Variants in CDH18 observed in about 807,000 individuals in gnomAD.
CDH18 encodes the protein cadherin 18.
A neutral mutation model predicts 67.9 loss-of-function variants in CDH18; 31 were observed. The ratio of observed to expected loss-of-function variants is 0.46; its 90% CI spans 0.34 to 0.62. The LOEUF (loss-of-function observed/expected upper bound fraction) is 0.62, where lower values mean the gene tolerates loss of function less well. Ranked by LOEUF, CDH18 falls within the 20% of genes least tolerant of loss-of-function variation. The pLI, the probability that CDH18 is intolerant of heterozygous loss-of-function variation, is 0.01. For missense variants in CDH18, 890 were observed against 975.5 expected (o/e 0.91, Z 1.17); for synonymous variants, 362 against 347.2 (o/e 1.04, Z -0.48).
In CDH18 at chr5:19,883,296, T is replaced by G. The variant is rs138626593; in HGVS notation, c.-256-44054A>C. ...ATAAACAGTTCTTTGAAACGAAGAT[T>G]GAGTTCAAATTGTGTTACACTCTGT... On this transcript the variant is annotated intron_variant, in intron 2 of 12. Transcript: ENST00000382275. Among the ~76,000 whole-genome samples, 204 of 152,314 alleles carry G rather than the reference T, an allele frequency of 1.3e-3. 1 individual carries two copies. The highest frequency in any genetic ancestry group is 4.8e-3 in the African/African-American group (198 of 41,588).
chr5:19,862,229 T>C (rs1463249140), intron 2 of CDH18, among the ~76,000 whole-genome samples: 1 of 152,176 alleles, frequency 6.6e-6, no homozygotes, highest in Non-Finnish European at 1.5e-5. Context: ...CAAAATAATC[T>C]AATTAATGAT....
intron 2 of CDH18, among the ~76,000 whole-genome samples, chr5:19,880,609 T>A (rs1787533715): frequency 6.6e-6 from 1 of 152,092 alleles, no homozygotes; most frequent in East Asian, 1.9e-4. Context: ...TGTCAAGAGA[T>A]CAATTTGGTG....
At chr5:20,189,669 T>C (rs1448234983) in intron 2 of CDH18, among the ~76,000 whole-genome samples, 1 of 152,108 alleles carries the variant, frequency 6.6e-6, no homozygotes. Flanking sequence ...CCAAGGAAGA[T>C]TACGCACACG....
At chr5:19,665,626 T>C (rs997922858) in intron 5 of CDH18, among the ~76,000 whole-genome samples, 16 of 151,980 alleles carry the variant, frequency 1.1e-4, no homozygotes, top group South Asian at 2.1e-4. Context: ...TTATTAAATA[T>C]GTATGTAAGT....
At chr5:19,514,624 GT>G in intron 10 of CDH18, among the ~76,000 whole-genome samples, 1 of 152,206 alleles carries the variant, frequency 6.6e-6, no homozygotes, top group East Asian at 1.9e-4. Flanking sequence ...TCATGCGTCT[GT>G]TGGCTGCATA....
chr5:20,010,159 GGTGTGTGT>G (rs35461877), intron 2 of CDH18, among the ~76,000 whole-genome samples: 13 of 146,294 alleles, frequency 8.9e-5, no homozygotes, highest in Non-Finnish European at 1.2e-4. Flanking sequence ...AGTGGAAAGT[GGTGTGTGT>G]GTGTGTGTGT....
chr5:19,544,227 T>A (rs577725233), intron 8 of CDH18, among the ~76,000 whole-genome samples: 1 of 152,290 alleles, frequency 6.6e-6, no homozygotes, highest in East Asian at 1.9e-4. Flanking sequence ...AATAATTTTA[T>A]AAGGTCTTAC....
chr5:20,499,644 T>G (rs930653489), intron 1 of CDH18, among the ~76,000 whole-genome samples: 2 of 152,160 alleles, frequency 1.3e-5, no homozygotes, highest in Non-Finnish European at 2.9e-5. Context: ...GAAGGTGTTG[T>G]TCTTAATTGC....
chr5:20,559,016 A>G (rs902183180), intron 1 of CDH18, among the ~76,000 whole-genome samples: 4 of 151,204 alleles, frequency 2.6e-5, no homozygotes, highest in Non-Finnish European at 4.4e-5. Context: ...ATGAATCACT[A>G]TATAAAGCCA....
At position 19,473,603 on chromosome 5, in the gene CDH18, C is replaced by T. The variant is rs1737928383; in HGVS notation, c.1996G>A (p.Glu666Lys). ...GTGATGTCAAAGGCCTCTGTGTCTT[C>T]CTCTCCGCCTCCTTCATCATCATAG... ...VTYDDEGGGE[E>K]DTEAFDITAL... The change falls in exon 13 of 13, where the codon GAA (glutamate) becomes AAA (lysine). Residue 666 changes from glutamate to lysine, a missense_variant. Glu to Lys is a moderately conservative substitution (Grantham distance 56). Coordinates refer to ENST00000382275, the MANE Select transcript of CDH18 (RefSeq NM_004934.5). 1 of 1,613,732 alleles carries T rather than the reference C, an allele frequency of 6.2e-7. No homozygotes were observed. Among genetic ancestry groups the T allele is most frequent in the South Asian group, 1.1e-5 (1 of 91,078 alleles).
rs373887387 is a variant in CDH18 at position 19,931,769 on chromosome 5, TC to T, written c.-257+49290del. Among the ~76,000 whole-genome samples, 143 of 152,028 alleles carry T rather than the reference TC, an allele frequency of 9.4e-4. 5 individuals carry two copies. In the East Asian group the frequency reaches 0.016, roughly 17 times the overall value. The stretch of plus-strand genomic sequence containing the variant: ...GACTTGCTCCAAATTTCTTTCTCTT[TC>T]CCCAAGTCCTTTATATATCTCTCTG... On this transcript the variant is annotated intron_variant, in intron 2 of 12. Coordinates refer to ENST00000382275, the MANE Select transcript of CDH18 (RefSeq NM_004934.5).
chr5:20,221,526 T>C (rs1741224872), intron 2 of CDH18, among the ~76,000 whole-genome samples: 1 of 152,056 alleles, frequency 6.6e-6, no homozygotes, highest in African/African-American at 2.4e-5. Flanking sequence ...CATAGGTAGA[T>C]AGAATGAATA....
rs1740072379 is a variant in CDH18 at position 19,564,818 on chromosome 5, A to G, written c.1253+6761T>C. 2.7e-5 allele frequency among the ~76,000 whole-genome samples: 4 copies of G among 150,196 alleles called. No individual in the cohort carries two copies. The South Asian group carries it at 8.5e-4, about 32-fold the overall frequency. On this transcript the variant is annotated intron_variant, in intron 8 of 12. Coordinates refer to ENST00000382275, the MANE Select transcript of CDH18 (RefSeq NM_004934.5). ...AGAAGTTCTAAACCTGCCCTGGGCT[A>G]GAGTGGAGCTAACTGCCCTGAAGGA...
At chr5:19,530,072 G>A (rs964438969) in intron 9 of CDH18, among the ~76,000 whole-genome samples, 5 of 152,046 alleles carry the variant, frequency 3.3e-5, no homozygotes, top group South Asian at 2.1e-4. Flanking sequence ...TCATAGCACC[G>A]TAGTATTAGT....
At chr5:19,996,244 A>G (rs965494905) in intron 2 of CDH18, among the ~76,000 whole-genome samples, 2 of 152,032 alleles carry the variant, frequency 1.3e-5, no homozygotes, top group African/African-American at 4.8e-5. Flanking sequence ...TGATGCATAT[A>G]TTGTGCCTCT....
At chr5:20,232,419 A>G (rs1742147842) in intron 2 of CDH18, among the ~76,000 whole-genome samples, 1 of 152,190 alleles carries the variant, frequency 6.6e-6, no homozygotes, top group Non-Finnish European at 1.5e-5. Context: ...AAAGAAACAC[A>G]TTAGTATCTA....
intron 3 of CDH18, among the ~76,000 whole-genome samples, chr5:19,757,568 A>T (rs1349252346): frequency 1.3e-5 from 2 of 152,124 alleles, no homozygotes; most frequent in Non-Finnish European, 2.9e-5. Flanking sequence ...GTATCCACAG[A>T]TCAGGTCATT....
At chr5:19,684,495 A>G (rs1196852729) in intron 5 of CDH18, among the ~76,000 whole-genome samples, 1 of 150,620 alleles carries the variant, frequency 6.6e-6, no homozygotes, top group Non-Finnish European at 1.5e-5. Context: ...TTATATGTAT[A>G]ATATATATTA....
chr5:20,559,081 C>T (rs1758065103), intron 1 of CDH18, among the ~76,000 whole-genome samples: 1 of 150,740 alleles, frequency 6.6e-6, no homozygotes, highest in Non-Finnish European at 1.5e-5. Context: ...CCAAATATTT[C>T]TTCCTTCTGA....
Sources: allele counts gnomAD v4.1 joint callset (sites outside exome capture counted in the v4.1 genomes callset), GRCh38; gene constraint gnomAD v4.1.1; transcripts MANE v1.5; gene names NCBI Gene and HGNC (gene_info 2026-07-23, HGNC 2026-07-21).